Variants in TACC1 observed in about 807,000 individuals in gnomAD.
TACC1 encodes the protein transforming acidic coiled-coil containing protein 1.
A neutral mutation model predicts 84.4 loss-of-function variants in TACC1; 48 were observed. That is an observed-to-expected ratio of 0.57 (90% CI 0.45 to 0.72). The LOEUF (loss-of-function observed/expected upper bound fraction) is 0.72. TACC1 is among the 30% of genes least tolerant of loss of function. TACC1 has a pLI of 0.00. For missense variants in TACC1, 920 were observed against 973.0 expected, an observed-to-expected ratio of 0.95 and a Z score of 0.72; for synonymous variants, 372 against 376.3, an observed-to-expected ratio of 0.99 and a Z score of 0.13.
chr8:38,730,036 C>A (rs1310688955), intron 1 of TACC1, among the ~76,000 whole-genome samples: 2 of 152,150 alleles, frequency 1.3e-5, no homozygotes, highest in Non-Finnish European at 2.9e-5. Context: ...ACTTTTATGT[C>A]GAGGTTCCCA....
rs1383473517 is a variant in TACC1, at chr8:38,819,757, T to A, written c.513T>A (p.Ala171=). ...DISAVLGTKA[A]HGCVTAVSGK... is the part of the protein sequence containing the mutation. Reference sequence around the variant, plus strand: ...CGGCAGTCCTCGGAACAAAAGCAGCTCATGGCTGTGTAACTGCAGTCTCAG... The same window carrying A: ...CGGCAGTCCTCGGAACAAAAGCAGCACATGGCTGTGTAACTGCAGTCTCAG... The change falls in exon 3 of 13, where the codon GCT becomes GCA. Residue 171 remains alanine, a synonymous_variant. Transcript: ENST00000317827. The A allele has an allele frequency of 4.3e-6, 7 of 1,613,864 alleles. No individual in the cohort carries two copies. In the Admixed American group the frequency reaches 5.0e-5, roughly 12 times the overall value.
chr8:38,787,003 G>C (rs1817304561), upstream of TACC1, among the ~76,000 whole-genome samples: 1 of 151,850 alleles, frequency 6.6e-6, no homozygotes, highest in Non-Finnish European at 1.5e-5. Context: ...GACGCCGGCG[G>C]ACCTGTGGGG....
At chr8:38,787,124 C>T, upstream of TACC1, 1 of 983,970 alleles carries the variant, frequency 1.0e-6, no homozygotes, top group African/African-American at 1.7e-5. Flanking sequence ...CTTCAAAGCC[C>T]CGGCGCCGCC....
In TACC1 at chr8:38,753,071, T is replaced by A. The variant is rs191977241; in HGVS notation, c.26+7578T>A. ...GATTGCATAATAACTATTCATATCA[T>A]CATTAGGGATGCTGAAGTGTTGTGT... On this transcript the variant is annotated intron_variant, in intron 3 of 14. Coordinates refer to the TACC1 transcript ENST00000518415. Among the ~76,000 whole-genome samples, 493 of 152,274 alleles carry A rather than the reference T, an allele frequency of 3.2e-3. 1 individual carries two copies. The highest frequency in any genetic ancestry group is 0.011 in the African/African-American group (460 of 41,558).
intron 2 of TACC1, among the ~76,000 whole-genome samples, chr8:38,802,698 T>G (rs1026397029): frequency 1.3e-5 from 2 of 152,178 alleles, no homozygotes; most frequent in African/African-American, 2.4e-5. Context: ...GGTGAGGGCA[T>G]CAGGGAGCTT....
intron 3 of TACC1, among the ~76,000 whole-genome samples, chr8:38,765,132 T>G (rs1378217269): frequency 6.6e-6 from 1 of 151,700 alleles, no homozygotes; most frequent in Non-Finnish European, 1.5e-5. Flanking sequence ...AACCTCTCTT[T>G]CTTTCTGTTT....
In TACC1 at chr8:38,836,706, C is replaced by T. The variant is rs550047227; in HGVS notation, c.1839+419C>T. 9.3e-4 allele frequency among the ~76,000 whole-genome samples: 142 copies of T among 152,306 alleles called. 2 individuals carry two copies. In the South Asian group the frequency reaches 0.028, roughly 30 times the overall value. On this transcript the variant is annotated intron_variant, in intron 7 of 12. Coordinates refer to ENST00000317827, the MANE Select transcript of TACC1 (RefSeq NM_006283.3). ...TCCATTCTTTAAACCGTTCAACTCT[C>T]CGATTCCTGTATTGTGTTTCTTGAA...
At chr8:38,737,645 A>G (rs16887731) in intron 1 of TACC1, among the ~76,000 whole-genome samples, 16,529 of 151,944 alleles carry the variant, frequency 0.11, 937 homozygotes, top group Middle Eastern at 0.14. Context: ...CAAATAGGGC[A>G]TGGTGATAGA....
rs1415913246 is a variant in TACC1 at position 38,849,677 on chromosome 8, G to C, written c.*1654G>C. The C allele has an allele frequency of 6.6e-6, 1 of 152,570 alleles. No homozygotes were observed. Among genetic ancestry groups the C allele is most frequent in the African/African-American group, 2.4e-5 (1 of 41,440 alleles). The allele number at this position is 152,570 out of a possible 1,614,324, so 9.5% of individuals were successfully genotyped here. The stretch of plus-strand genomic sequence containing the variant: ...TCAATAATGTCTTTTAAAGCCAGAA[G>C]TCACATTTTACCAATATGCATTTAT... On this transcript the variant is annotated 3_prime_UTR_variant, in exon 13 of 13. Coordinates refer to ENST00000317827, the MANE Select transcript of TACC1 (RefSeq NM_006283.3).
At chr8:38,744,543 T>C (rs964220356) in intron 2 of TACC1, among the ~76,000 whole-genome samples, 9 of 152,152 alleles carry the variant, frequency 5.9e-5, no homozygotes, top group African/African-American at 2.2e-4. Context: ...TTGGGTTTTG[T>C]TTATTTGTTT....
intron 2 of TACC1, among the ~76,000 whole-genome samples, chr8:38,804,706 G>A (rs977470145): frequency 5.9e-5 from 9 of 151,912 alleles, no homozygotes; most frequent in East Asian, 5.8e-4. Flanking sequence ...AGGCTTAAGC[G>A]ATCCTCCTGC....
intron 5 of TACC1, among the ~76,000 whole-genome samples, chr8:38,829,968 T>C (rs1012046031): frequency 2.0e-5 from 3 of 152,118 alleles, no homozygotes; most frequent in African/African-American, 7.2e-5. Flanking sequence ...GAAATGAGAT[T>C]TTCACACAGC....
chr8:38,843,968 TTTATAA>T lies in TACC1; in HGVS notation c.2228+580_2228+585del, dbSNP rs529852131. The stretch of plus-strand genomic sequence containing the variant: ...ATTGCTAGACCAAAGCATATATGAA[TTTATAA>T]TTATAAGTGTTGTCAGATTGGCCCC... On this transcript the variant is annotated intron_variant, in intron 11 of 12. Transcript: ENST00000317827. Among the ~76,000 whole-genome samples, 435 of 152,310 alleles carry T rather than the reference TTTATAA, an allele frequency of 2.9e-3. 4 individuals are homozygous for T. The highest frequency in any genetic ancestry group is 9.9e-3 in the African/African-American group (411 of 41,564).
chr8:38,787,579 G>A lies in TACC1; in HGVS notation c.-4G>A. On this transcript the variant is annotated 5_prime_UTR_variant, in exon 1 of 13. Coordinates refer to ENST00000317827, the MANE Select transcript of TACC1 (RefSeq NM_006283.3). ...TAGGAGCTGGAGCCGGAGGAGCCGC[G>A]CTCATGGCGTTCAGCCCGTGGCAGA... The A allele has an allele frequency of 6.5e-7, 1 of 1,536,882 alleles. No individual in the cohort carries two copies.
chr8:38,829,623 C>G (rs1237233834), intron 5 of TACC1, among the ~76,000 whole-genome samples: 2 of 152,156 alleles, frequency 1.3e-5, no homozygotes, highest in Non-Finnish European at 2.9e-5. Context: ...AGGTTAGAGA[C>G]TACCACTCAT....
intron 2 of TACC1, among the ~76,000 whole-genome samples, chr8:38,791,496 C>T (rs1193490345): frequency 6.6e-6 from 1 of 152,166 alleles, no homozygotes; most frequent in Non-Finnish European, 1.5e-5. Context: ...TCCAGAGTAC[C>T]GCCAATGGCC....
intron 2 of TACC1, among the ~76,000 whole-genome samples, chr8:38,791,130 C>A (rs1387601761): frequency 2.0e-5 from 3 of 152,128 alleles, no homozygotes; most frequent in Admixed American, 6.6e-5. Flanking sequence ...GTTTTGTCAG[C>A]TGCTAGACTG....
At chr8:38,808,118 G>T (rs1473540281) in intron 2 of TACC1, among the ~76,000 whole-genome samples, 1 of 152,178 alleles carries the variant, frequency 6.6e-6, no homozygotes, top group Non-Finnish European at 1.5e-5. Context: ...TCACCAAGCC[G>T]CCAGGCAATG....
chr8:38,816,503 A>G (rs1454139351), intron 2 of TACC1, among the ~76,000 whole-genome samples: 1 of 152,212 alleles, frequency 6.6e-6, no homozygotes, highest in African/African-American at 2.4e-5. Context: ...TTCAGATACC[A>G]GTCACAAGTC....
Sources: allele counts gnomAD v4.1 joint callset (sites outside exome capture counted in the v4.1 genomes callset), GRCh38; gene constraint gnomAD v4.1.1; transcripts MANE v1.5; gene names NCBI Gene and HGNC (gene_info 2026-07-23, HGNC 2026-07-21).